The following TET2 variants were observed in gnomAD, a reference collection of about 807,000 sequenced individuals.
TET2 encodes the protein tet methylcytosine dioxygenase 2.
A neutral mutation model predicts 142.9 loss-of-function variants in TET2; 299 were observed. That is an observed-to-expected ratio of 2.09 (90% CI 1.90 to 2.30). The LOEUF (loss-of-function observed/expected upper bound fraction) is 2.30. Ranked by LOEUF, TET2 falls within the 30% of genes most tolerant of loss-of-function variation. TET2 has a pLI of 0.00. For missense variants in TET2, 2,418 were observed against 2,378.0 expected (o/e 1.02, Z -0.35); for synonymous variants, 819 against 849.0 (o/e 0.96, Z 0.61).
rs943560455 is a variant in TET2, at chr4:105,242,343, A to G, written c.3501-491A>G. The G allele has an allele frequency of 1.2e-5, 13 of 1,077,524 alleles. No individual in the cohort carries two copies. The African/African-American group carries it at 1.3e-4, about 11-fold the overall frequency. The allele number at this position is 1,077,524 out of a possible 1,614,324, so 66.7% of individuals were successfully genotyped here. ...TTGGTCATAAGGGAAGATATAGTCT[A>G]TTTCTAGGACTATTCCATATTTTCC... is the stretch of plus-strand genomic sequence containing the variant. On this transcript the variant is annotated intron_variant, in intron 4 of 10. Transcript: ENST00000380013.
intron 1 of TET2, among the ~76,000 whole-genome samples, chr4:105,188,845 CG>C (rs1447225935): frequency 2.6e-5 from 4 of 151,880 alleles, no homozygotes; most frequent in African/African-American, 9.7e-5. Flanking sequence ...CACCAAGGCC[CG>C]GGGGAGGAAT....
In TET2 at chr4:105,236,067, GA is replaced by G; in HGVS notation, c.2126del (p.Glu709GlyfsTer42). On this transcript the variant is annotated frameshift_variant, in exon 3 of 11. Coordinates refer to ENST00000380013, the MANE Select transcript of TET2 (RefSeq NM_001127208.3). LOFTEE classifies it high-confidence loss of function. ...ACAGCACTTGAATCAACAGGCTTCA[GA>G]GACTGAGCCATTTTCAAACTCACAC... ...LKQHLNQQASETEPFSNSHLL... is the reference protein window; with the variant it reads ...LKQHLNQQASXTEPFSNSHLL... 1 of 1,614,148 alleles carries G rather than the reference GA, an allele frequency of 6.2e-7. No homozygotes were observed. Among genetic ancestry groups the G allele is most frequent in the Non-Finnish European group, 8.5e-7 (1 of 1,180,024 alleles).
At chr4:105,220,297 CAT>C (rs1727740735) in intron 2 of TET2, among the ~76,000 whole-genome samples, 1 of 152,138 alleles carries the variant, frequency 6.6e-6, no homozygotes, top group Non-Finnish European at 1.5e-5. Flanking sequence ...AATTGCCCCT[CAT>C]ATATACTATT....
chr4:105,242,768 ATT>A, intron 4 of TET2, 64 bp from the exon 5 acceptor site: 1 of 1,525,680 alleles, frequency 6.6e-7, no homozygotes, highest in Non-Finnish European at 8.8e-7. Context: ...ATGTTCAAAT[ATT>A]TTGATTGCCT....
At chr4:105,215,075 A>G (rs1234414114) in intron 2 of TET2, among the ~76,000 whole-genome samples, 1 of 152,070 alleles carries the variant, frequency 6.6e-6, no homozygotes, top group Non-Finnish European at 1.5e-5. Context: ...ACACCCAGCT[A>G]GTGTCTGCTG....
At chr4:105,171,633 A>G (rs1724472852) in intron 1 of TET2, 1 of 152,236 alleles carries the variant, frequency 6.6e-6, no homozygotes, top group South Asian at 2.1e-4. Flanking sequence ...TGCTACCAAG[A>G]TGCAACTCTT....
intron 1 of TET2, chr4:105,172,619 G>T (rs1391175270): frequency 6.6e-6 from 1 of 152,106 alleles, no homozygotes; most frequent in Non-Finnish European, 1.5e-5. Context: ...ATTGCATTTT[G>T]TAAGTGACCT....
At chr4:105,221,394 T>C (rs150359833) in intron 2 of TET2, among the ~76,000 whole-genome samples, 5 of 152,300 alleles carry the variant, frequency 3.3e-5, no homozygotes, top group Admixed American at 2.0e-4. Flanking sequence ...TCTGAGTTAA[T>C]CTGCCTCTCA....
chr4:105,165,371 G>A lies in TET2; in HGVS notation c.-193+18392G>A, dbSNP rs189563524. 6.4e-4 allele frequency among the ~76,000 whole-genome samples: 97 copies of A among 152,124 alleles called. 1 individual carries two copies. The highest frequency in any genetic ancestry group is 4.8e-3 in the Admixed American group (73 of 15,274). On this transcript the variant is annotated intron_variant, in intron 1 of 10. Transcript: ENST00000380013. ...AGCCTGGGTGACAGAGGGAGACTTCGTCTCCCAAAAAATAAAAATAAAAAA... is the reference window on the plus strand; with the variant it reads ...AGCCTGGGTGACAGAGGGAGACTTCATCTCCCAAAAAATAAAAATAAAAAA...
At position 105,259,627 on chromosome 4, in the gene TET2, G is replaced by A. The variant is rs1730319182; in HGVS notation, c.3812G>A (p.Cys1271Tyr). 1 of 1,550,720 alleles carries A rather than the reference G, an allele frequency of 6.4e-7. No individual in the cohort carries two copies. The highest frequency in any genetic ancestry group is 8.7e-7 in the Non-Finnish European group (1 of 1,146,330). ...RRCALNEERT[C>Y]ACQGLDPETC... Reference sequence around the variant, plus strand: ...GTCTTTTGATTTTTCAGGAGAACTTGCGCCTGTCAGGGGCTGGATCCAGAA... The same window carrying A: ...GTCTTTTGATTTTTCAGGAGAACTTACGCCTGTCAGGGGCTGGATCCAGAA... Residue 1271 changes from cysteine (C) to tyrosine (Y), a missense_variant, in exon 7 of 11, where the codon TGC (cysteine) becomes TAC (tyrosine). Coordinates refer to ENST00000380013, the MANE Select transcript of TET2 (RefSeq NM_001127208.3).
In TET2 at chr4:105,279,077, T is replaced by C. The variant is rs79305653; in HGVS notation, c.*2558T>C. On this transcript the variant is annotated 3_prime_UTR_variant, in exon 11 of 11. Coordinates refer to ENST00000380013, the MANE Select transcript of TET2 (RefSeq NM_001127208.3). The stretch of plus-strand genomic sequence containing the variant: ...TTAAAAAATTTCTTGAATTTGTGGT[T>C]GTGTCCAATTTGCAAACATTTCCAA... 7,270 of 232,850 alleles carry C rather than the reference T, an allele frequency of 0.031. 509 individuals carry two copies. Among genetic ancestry groups the C allele is most frequent in the African/African-American group, 0.15 (6,725 of 45,408 alleles). The allele number at this position is 232,850 out of a possible 1,614,324, so 14.4% of individuals were successfully genotyped here. A position where few individuals can be genotyped will look rare whatever the true frequency, so the allele number is the denominator to read the frequency against.
intron 8 of TET2, among the ~76,000 whole-genome samples, chr4:105,266,928 G>A (rs1342673448): frequency 6.6e-6 from 1 of 151,628 alleles, no homozygotes. Context: ...CATAAAAAAA[G>A]ACTATCAAAA....
chr4:105,273,150 G>A (rs1053748778), intron 10 of TET2, among the ~76,000 whole-genome samples: 1 of 152,122 alleles, frequency 6.6e-6, no homozygotes, highest in African/African-American at 2.4e-5. Flanking sequence ...AGGCGCCAGT[G>A]TGTGTTGTCC....
intron 1 of TET2, among the ~76,000 whole-genome samples, chr4:105,167,890 G>A (rs79850798): frequency 0.047 from 7,108 of 152,222 alleles, 568 homozygotes; most frequent in African/African-American, 0.16. Context: ...CCGTAAGGAC[G>A]TAATCTTGCC....
At chr4:105,220,690 G>A (rs555874507) in intron 2 of TET2, among the ~76,000 whole-genome samples, 2 of 152,250 alleles carry the variant, frequency 1.3e-5, no homozygotes, top group South Asian at 4.1e-4. Context: ...GCTATTGGAC[G>A]CCCTCTGTGA....
At chr4:105,160,250 C>T (rs889738222) in intron 1 of TET2, among the ~76,000 whole-genome samples, 4 of 151,990 alleles carry the variant, frequency 2.6e-5, no homozygotes, top group African/African-American at 9.7e-5. Flanking sequence ...CTTTAAGTCT[C>T]TATATTTAGG....
intron 6 of TET2, among the ~76,000 whole-genome samples, chr4:105,249,868 T>G (rs2110267582): frequency 6.6e-6 from 1 of 152,338 alleles, no homozygotes; most frequent in Non-Finnish European, 1.5e-5. Flanking sequence ...CGCTTCACTT[T>G]GATAATGTCC....
chr4:105,264,157 G>C (rs542398176), intron 8 of TET2, among the ~76,000 whole-genome samples: 2 of 146,278 alleles, frequency 1.4e-5, no homozygotes, highest in Admixed American at 1.4e-4. Context: ...TGGTCTATTT[G>C]TAAGTTATTT....
intron 4 of TET2, chr4:105,242,010 T>G (rs1238744750): frequency 8.1e-7 from 1 of 1,242,206 alleles, no homozygotes; most frequent in Non-Finnish European, 1.0e-6. Context: ...TAGAAGACTC[T>G]TATGAGCGAG....
Sources: gnomAD v4.1 joint callset for allele counts (sites outside exome capture counted in the v4.1 genomes callset) on GRCh38, gnomAD v4.1.1 for gene constraint, MANE v1.5 for transcripts, NCBI Gene and HGNC (gene_info 2026-07-23, HGNC 2026-07-21) for gene names.